CSMD2: variants seen among roughly 807,000 people sequenced by gnomAD.
CSMD2 encodes the protein CUB and Sushi multiple domains 2.
In CSMD2, 130 loss-of-function variants were observed where a neutral mutation model predicts 398.5. That is an observed-to-expected ratio of 0.33 (90% confidence interval 0.28 to 0.38). The LOEUF is 0.38. Among genes scored for constraint, CSMD2 ranks in the 10% least tolerant of loss-of-function variants. The pLI is 1.00. For synonymous variants in CSMD2, 1,828 were observed against 1,908.5 expected, an observed-to-expected ratio of 0.96 and a Z score of 1.10; for missense variants, 3,829 against 4,764.9, an observed-to-expected ratio of 0.80 and a Z score of 5.78.
At chr1:33,810,931 C>CT (rs1656796159) in intron 9 of CSMD2, 67 bp from the exon 10 acceptor site, 1 of 1,565,248 alleles carries the variant, frequency 6.4e-7, no homozygotes, top group Admixed American at 1.8e-5. Context: ...TTGCCTCCCA[C>CT]TCCCCACCCA....
rs554758761 is a variant in CSMD2, at chr1:33,680,066, G to A, written c.4052+12864C>T. The stretch of plus-strand genomic sequence containing the variant: ...CTCCCGAGTAGCTGGGGCTACAGGT[G>A]CCCGCCACCACGCCTGGCTAATTTT... On this transcript the variant is annotated intron_variant, in intron 25 of 70. Coordinates refer to ENST00000373381, the MANE Select transcript of CSMD2 (RefSeq NM_001281956.2). Among the ~76,000 whole-genome samples, 334 of 151,216 alleles carry A rather than the reference G, an allele frequency of 2.2e-3. 1 individual carries two copies. The highest frequency in any genetic ancestry group is 7.6e-3 in the African/African-American group (315 of 41,184).
intron 2 of CSMD2, among the ~76,000 whole-genome samples, chr1:34,052,000 G>C (rs909284400): frequency 6.6e-6 from 1 of 151,970 alleles, no homozygotes; most frequent in African/African-American, 2.4e-5. Context: ...AAGGGAGAAG[G>C]TACTCTCTCT....
At chr1:33,860,052 A>G (rs997271006) in intron 5 of CSMD2, among the ~76,000 whole-genome samples, 2 of 152,252 alleles carry the variant, frequency 1.3e-5, no homozygotes, top group African/African-American at 4.8e-5. Context: ...GGCATCTTAC[A>G]TAACCCTGGG....
rs115769068 is a variant in CSMD2, at chr1:33,691,223, C to T, written c.4052+1707G>A. 1.8e-3 allele frequency among the ~76,000 whole-genome samples: 279 copies of T among 152,242 alleles called. 1 individual carries two copies. Among genetic ancestry groups the T allele is most frequent in the African/African-American group, 6.6e-3 (275 of 41,540 alleles). On this transcript the variant is annotated intron_variant, in intron 25 of 70. Transcript: ENST00000373381. Reference sequence around the variant, plus strand: ...AGGTTGGGGAGGGAGGCTGAAGTCGCTGTAGCCTCAAAGGCCAGAATAAAA... The same window carrying T: ...AGGTTGGGGAGGGAGGCTGAAGTCGTTGTAGCCTCAAAGGCCAGAATAAAA...
At chr1:33,585,737 G>A (rs955448186) in intron 46 of CSMD2, among the ~76,000 whole-genome samples, 7 of 152,106 alleles carry the variant, frequency 4.6e-5, no homozygotes, top group Admixed American at 3.3e-4. Flanking sequence ...TCCCAGAAGT[G>A]GGGGAAAGGC....
intron 2 of CSMD2, among the ~76,000 whole-genome samples, chr1:34,034,042 C>T (rs1347159908): frequency 6.6e-6 from 1 of 152,118 alleles, no homozygotes; most frequent in Non-Finnish European, 1.5e-5. Flanking sequence ...AAGATCCCTA[C>T]CTCACCCCAT....
In CSMD2 at chr1:33,658,013, A is replaced by G; in HGVS notation, c.4380T>C (p.Ser1460=). The G allele has an allele frequency of 6.2e-7, 1 of 1,614,208 alleles. No homozygotes were observed. Among genetic ancestry groups the G allele is most frequent in the Non-Finnish European group, 8.5e-7 (1 of 1,180,036 alleles). Residue 1460 remains serine (S), a synonymous_variant, in exon 27 of 71, where the codon AGT becomes AGC. Transcript: ENST00000373381. ...CGATCTTCACACAGCTGATCTCTGC[A>G]CTTCCCTGCAGCGCGTAGCCAGGGT... ...QCDPGYALQG[S]AEISCVKIEN...
In CSMD2 at chr1:33,677,153, G is replaced by C. The variant is rs547856090; in HGVS notation, c.4053-14061C>G. ...AGAGCTTCTGCACAGCAAAAGAAAC[G>C]AACATCAGAGTGAACAGGCAACCTA... On this transcript the variant is annotated intron_variant, in intron 25 of 70. Transcript: ENST00000373381. 1.8e-4 allele frequency among the ~76,000 whole-genome samples: 28 copies of C among 152,040 alleles called. 1 individual carries two copies. The highest frequency in any genetic ancestry group is 1.8e-3 in the Admixed American group (28 of 15,270).
chr1:33,936,133 G>C (rs1426023256), intron 3 of CSMD2, among the ~76,000 whole-genome samples, 179 bp from the exon 4 acceptor site: 1 of 152,198 alleles, frequency 6.6e-6, no homozygotes, highest in East Asian at 1.9e-4. Flanking sequence ...GATTCCCTGG[G>C]AATGGGTTAC....
intron 25 of CSMD2, among the ~76,000 whole-genome samples, chr1:33,684,449 C>T (rs1173878307): frequency 6.6e-6 from 1 of 152,138 alleles, no homozygotes; most frequent in African/African-American, 2.4e-5. Flanking sequence ...AGGACTGTCT[C>T]CTCTCCCTTC....
chr1:33,651,800 G>C (rs1643768637), intron 28 of CSMD2, among the ~76,000 whole-genome samples: 2 of 152,190 alleles, frequency 1.3e-5, no homozygotes, highest in African/African-American at 4.8e-5. Flanking sequence ...GAACCATGGA[G>C]GCAGAAACCA....
At chr1:33,621,382 C>A (rs1377271396) in intron 37 of CSMD2, among the ~76,000 whole-genome samples, 1 of 152,216 alleles carries the variant, frequency 6.6e-6, no homozygotes. Context: ...TAGAGCCATC[C>A]ATGAGAGCAC....
At chr1:33,612,538 G>T (rs1570942166) in intron 40 of CSMD2, among the ~76,000 whole-genome samples, 1 of 152,024 alleles carries the variant, frequency 6.6e-6, no homozygotes, top group Non-Finnish European at 1.5e-5. Flanking sequence ...GTTTTTCAAG[G>T]TCTATCCATG....
intron 44 of CSMD2, among the ~76,000 whole-genome samples, chr1:33,595,020 C>T (rs886601427): frequency 7.9e-5 from 12 of 152,168 alleles, no homozygotes; most frequent in Admixed American, 7.9e-4. Context: ...TCTCACATAA[C>T]CACAAAACAA....
At chr1:34,094,978 A>G (rs1218382424) in intron 1 of CSMD2, among the ~76,000 whole-genome samples, 1 of 140,016 alleles carries the variant, frequency 7.1e-6, no homozygotes, top group African/African-American at 2.7e-5. Context: ...ACCACACCAC[A>G]CCTATTCCAA....
chr1:34,105,595 C>T (rs1212723118), intron 1 of CSMD2, among the ~76,000 whole-genome samples: 1 of 152,094 alleles, frequency 6.6e-6, no homozygotes, highest in Non-Finnish European at 1.5e-5. Flanking sequence ...CTTGGAGCCT[C>T]GTGACACCAC....
In CSMD2 at chr1:33,724,499, C is replaced by T. The variant is rs1423965789; in HGVS notation, c.2884+17G>A. 1.9e-6 allele frequency: 3 copies of T among 1,610,280 alleles called. No individual in the cohort carries two copies. In the African/African-American group the frequency reaches 4.0e-5, roughly 22 times the overall value. On this transcript the variant is annotated intron_variant, in intron 18 of 70. Coordinates refer to ENST00000373381, the MANE Select transcript of CSMD2 (RefSeq NM_001281956.2). Reference sequence around the variant, plus strand: ...GAGGAGTCTGCTACTTTAGCGCCCCCTCATGGTGTCCCTCACCTTCACAAC... The same window carrying T: ...GAGGAGTCTGCTACTTTAGCGCCCCTTCATGGTGTCCCTCACCTTCACAAC...
intron 27 of CSMD2, among the ~76,000 whole-genome samples, chr1:33,653,042 C>A (rs1216395962): frequency 1.3e-5 from 2 of 152,208 alleles, no homozygotes; most frequent in Non-Finnish European, 2.9e-5. Flanking sequence ...CAGGCGTGAG[C>A]CACCGCGCCC....
Position 34,159,337 on chromosome 1 carries a change from C to T in CSMD2, c.187+5574G>A, listed in dbSNP as rs116365434. ...AATGACTTTACAGCCTGCCCCCCCC[C>T]CACCCAGGAGCTTGTGGTGGAAAGG... is the stretch of plus-strand genomic sequence containing the variant. On this transcript the variant is annotated intron_variant, in intron 1 of 70. Coordinates refer to ENST00000373381, the MANE Select transcript of CSMD2 (RefSeq NM_001281956.2). Among the ~76,000 whole-genome samples, 61 of 91,548 alleles carry T rather than the reference C, an allele frequency of 6.7e-4. 2 individuals carry two copies. In the South Asian group the frequency reaches 0.019, roughly 29 times the overall value. 60.1% of individuals were successfully genotyped at this position (91,548 alleles called of 152,430 possible).
Sources: gnomAD v4.1 joint callset for allele counts (sites outside exome capture counted in the v4.1 genomes callset) on GRCh38, gnomAD v4.1.1 for gene constraint, MANE v1.5 for transcripts, NCBI Gene and HGNC (gene_info 2026-07-23, HGNC 2026-07-21) for gene names.